Variants in GAD1 observed in about 807,000 individuals in gnomAD.
GAD1 encodes the protein glutamate decarboxylase 1.
In GAD1, 35 loss-of-function variants were observed where a neutral mutation model predicts 75.2. That is an observed-to-expected ratio of 0.47 (90% CI 0.36 to 0.62). GAD1 has a LOEUF of 0.62. Ranked by LOEUF, GAD1 falls within the 20% of genes least tolerant of loss-of-function variation. GAD1 has a pLI of 0.00. For missense variants in GAD1, 490 were observed against 758.5 expected (o/e 0.65, Z 4.16); for synonymous variants, 257 against 271.9 (o/e 0.95, Z 0.54).
At chr2:170,827,849 A>C (rs1702060326) in intron 3 of GAD1, among the ~76,000 whole-genome samples, 1 of 152,172 alleles carries the variant, frequency 6.6e-6, no homozygotes, top group African/African-American at 2.4e-5. Flanking sequence ...TTAAATGGCA[A>C]CACAGAAGAT....
At position 170,853,625 on chromosome 2, in the gene GAD1, C is replaced by T. The variant is rs1702792389; in HGVS notation, c.1264-248C>T. On this transcript the variant is annotated intron_variant, in intron 13 of 16. Transcript: ENST00000358196. This position sits in a 1 kb window ranked among gnomAD's most constrained non-coding sequence, Gnocchi z 4.1. ...AATCCCAGACACCCATACACATTTC[C>T]CCTTAGAGGGATGGCATCTGAGACG... 4.2e-6 allele frequency: 2 copies of T among 480,056 alleles called. No individual in the cohort carries two copies. The highest frequency in any genetic ancestry group is 3.2e-5 in the Admixed American group (1 of 31,274). 29.7% of individuals were successfully genotyped at this position (480,056 alleles called of 1,614,324 possible). A position where few individuals can be genotyped will look rare whatever the true frequency, so the allele number is the denominator to read the frequency against.
intron 12 of GAD1, 111 bp from the exon 13 acceptor site, chr2:170,852,603 T>C (rs1206279603): frequency 2.3e-6 from 2 of 860,182 alleles, no homozygotes; most frequent in African/African-American, 3.3e-5. Flanking sequence ...TTCAGGAGAA[T>C]AGGCATGGAT....
intron 14 of GAD1, among the ~76,000 whole-genome samples, chr2:170,856,292 T>C (rs1055451182): frequency 7.2e-5 from 11 of 152,226 alleles, no homozygotes; most frequent in African/African-American, 2.4e-4. Context: ...AGTTTGTCAA[T>C]AGTTGGAACT....
intron 3 of GAD1, among the ~76,000 whole-genome samples, chr2:170,823,930 G>A (rs1701960711): frequency 1.3e-5 from 2 of 152,282 alleles, no homozygotes; most frequent in Non-Finnish European, 2.9e-5. Flanking sequence ...GGCTGCAGGC[G>A]CTCCACTTCC....
chr2:170,827,452 A>G (rs997875950), intron 3 of GAD1, among the ~76,000 whole-genome samples: 19 of 152,246 alleles, frequency 1.2e-4, no homozygotes, highest in Admixed American at 1.2e-3. Context: ...AGGAAAGAGC[A>G]GACGTGCGGG....
chr2:170,837,077 T>G (rs1182479369), intron 6 of GAD1, among the ~76,000 whole-genome samples, 194 bp downstream of exon 6: 1 of 152,206 alleles, frequency 6.6e-6, no homozygotes, highest in Non-Finnish European at 1.5e-5. Flanking sequence ...ATAATGGAAT[T>G]TAAGGAAAGC....
At chr2:170,831,686 AAATAAAT>A (rs931923715) in intron 5 of GAD1, among the ~76,000 whole-genome samples, 4 of 137,660 alleles carry the variant, frequency 2.9e-5, no homozygotes, top group Admixed American at 1.7e-4. Context: ...TTAATATAAT[AAATAAAT>A]AATAATTATA....
In GAD1 at chr2:170,845,798, G is replaced by C. The variant is rs188144170; in HGVS notation, c.947+13G>C. On this transcript the variant is annotated intron_variant, in intron 9 of 16. Transcript: ENST00000358196. ...AGTGCAATGAAAGGTAGGCAGGGGAGGGTGAATATTAGGTTCTTGATGTAT... is the reference window on the plus strand; with the variant it reads ...AGTGCAATGAAAGGTAGGCAGGGGACGGTGAATATTAGGTTCTTGATGTAT... 6.2e-7 allele frequency: 1 copy of C among 1,612,264 alleles called. No homozygotes were observed. Among genetic ancestry groups the C allele is most frequent in the Admixed American group, 1.7e-5 (1 of 60,024 alleles).
chr2:170,855,338 A>G (rs936161605), intron 14 of GAD1, among the ~76,000 whole-genome samples: 1 of 150,986 alleles, frequency 6.6e-6, no homozygotes, highest in African/African-American at 2.4e-5. Context: ...CCTTCCAAGT[A>G]GCTGAGATTA....
In GAD1 at chr2:170,859,924, C is replaced by G; in HGVS notation, c.*42C>G. On this transcript the variant is annotated 3_prime_UTR_variant, in exon 17 of 17. Coordinates refer to ENST00000358196, the MANE Select transcript of GAD1 (RefSeq NM_000817.3). ...ATGAGTTTATGGGAATGCCTTTTCC[C>G]TCTGGCACTCCAGAACAAACCTCTA... is the stretch of plus-strand genomic sequence containing the variant. 1 of 1,583,868 alleles carries G rather than the reference C, an allele frequency of 6.3e-7. No individual in the cohort carries two copies.
In GAD1 at chr2:170,839,065, T is replaced by A. The variant is rs537595930; in HGVS notation, c.638+2182T>A. ...TGTCAGGAGCTGAGGCAAAATTTGC[T>A]CCCTTGTGACAATTCCTTCTCCAGT... On this transcript the variant is annotated intron_variant, in intron 6 of 16. Coordinates refer to ENST00000358196, the MANE Select transcript of GAD1 (RefSeq NM_000817.3). Among the ~76,000 whole-genome samples, 3 of 152,302 alleles carry A rather than the reference T, an allele frequency of 2.0e-5. No individual in the cohort carries two copies. The South Asian group carries it at 6.2e-4, about 32-fold the overall frequency.
chr2:170,814,986 T>G (rs1005332755), upstream of GAD1, among the ~76,000 whole-genome samples: 1 of 152,146 alleles, frequency 6.6e-6, no homozygotes, highest in Non-Finnish European at 1.5e-5. Flanking sequence ...TGCTGGACAA[T>G]GAAGAACGAG....
In GAD1 at chr2:170,824,375, G is replaced by A. The variant is rs1701973553; in HGVS notation, c.145+2226G>A. ...GCCCTGGGTCCACAGCTCCCTGCCT[G>A]CCTACACACACACACACACACACAC... is the stretch of plus-strand genomic sequence containing the variant. On this transcript the variant is annotated intron_variant, in intron 3 of 16. Coordinates refer to ENST00000358196, the MANE Select transcript of GAD1 (RefSeq NM_000817.3). Among the ~76,000 whole-genome samples, 7 of 114,326 alleles carry A rather than the reference G, an allele frequency of 6.1e-5. No homozygotes were observed. In the South Asian group the frequency reaches 1.6e-3, roughly 26 times the overall value. 75.0% of individuals were successfully genotyped at this position (114,326 alleles called of 152,430 possible).
At chr2:170,830,844 T>A in intron 4 of GAD1, 106 bp from the exon 5 acceptor site, 1 of 1,413,804 alleles carries the variant, frequency 7.1e-7, no homozygotes. Context: ...TATCCCAGAA[T>A]GAAATCAGGC....
At chr2:170,852,123 A>G (rs1702753758) in intron 12 of GAD1, among the ~76,000 whole-genome samples, 1 of 152,178 alleles carries the variant, frequency 6.6e-6, no homozygotes, top group African/African-American at 2.4e-5. Flanking sequence ...CCAGGCTCCA[A>G]CACTTCCCAA....
rs545320334 is a variant in GAD1 at position 170,840,150 on chromosome 2, A to G, written c.638+3267A>G. On this transcript the variant is annotated intron_variant, in intron 6 of 16. Transcript: ENST00000358196. ...TCTCATCAGGAAAATGGAGGATAAT[A>G]GTATCCATCCTACAGAGTGGTTCTG... Among the ~76,000 whole-genome samples, 5 of 152,352 alleles carry G rather than the reference A, an allele frequency of 3.3e-5. No individual in the cohort carries two copies. In the East Asian group the frequency reaches 7.7e-4, roughly 24 times the overall value.
intron 3 of GAD1, among the ~76,000 whole-genome samples, chr2:170,824,929 C>CGT (rs56938472): frequency 0.026 from 3,934 of 149,866 alleles, 140 homozygotes; most frequent in African/African-American, 0.078. Flanking sequence ...AGCCTACACT[C>CGT]GTGTGTGTGT....
chr2:170,830,814 C>T lies in GAD1; in HGVS notation c.305-136C>T, dbSNP rs972073817. 2.9e-5 allele frequency: 32 copies of T among 1,111,572 alleles called. No individual in the cohort carries two copies. The East Asian group carries it at 5.4e-4, about 19-fold the overall frequency. The allele number at this position is 1,111,572 out of a possible 1,614,324, so 68.9% of individuals were successfully genotyped here. The stretch of plus-strand genomic sequence containing the variant: ...CATTTTTCTGGAGATGTGGTATATC[C>T]GATTCTCAGTGCACATACATATCCC... On this transcript the variant is annotated intron_variant, in intron 4 of 16. Coordinates refer to ENST00000358196, the MANE Select transcript of GAD1 (RefSeq NM_000817.3).
chr2:170,813,843 G>A (rs577484480), upstream of GAD1, among the ~76,000 whole-genome samples: 9 of 152,382 alleles, frequency 5.9e-5, no homozygotes, highest in South Asian at 4.1e-4. Context: ...TCGGCAGACA[G>A]GGTGGAGTAG....
Sources: gnomAD v4.1 joint callset for allele counts (sites outside exome capture counted in the v4.1 genomes callset) on GRCh38, gnomAD v4.1.1 for gene constraint, Gnocchi (gnomAD v3.1) non-coding constraint, MANE v1.5 for transcripts, NCBI Gene and HGNC (gene_info 2026-07-23, HGNC 2026-07-21) for gene names.